The following PCDHGA4 variants were observed in gnomAD, a reference collection of about 807,000 sequenced individuals.
The protein encoded by PCDHGA4 is protocadherin gamma subfamily A, 4.
A neutral mutation model predicts 54.6 loss-of-function variants in PCDHGA4; 38 were observed. The ratio of observed to expected loss-of-function variants is 0.70; its 90% CI spans 0.54 to 0.91. PCDHGA4 has a LOEUF of 0.91. Ranked by LOEUF, PCDHGA4 falls within the 40% of genes least tolerant of loss-of-function variation. The pLI is 0.00. For synonymous variants in PCDHGA4, 511 were observed against 512.9 expected (o/e 1.00, Z 0.05); for missense variants, 1,298 against 1,220.9 (o/e 1.06, Z -0.94).
chr5:141,397,491 A>G (rs1462298713), intron 1 of PCDHGA4, among the ~76,000 whole-genome samples: 1 of 152,230 alleles, frequency 6.6e-6, no homozygotes, highest in Non-Finnish European at 1.5e-5. Flanking sequence ...AAATGAACAG[A>G]AGAATGATAA....
chr5:141,429,048 G>A (rs2097180589), intron 1 of PCDHGA4: 5 of 152,064 alleles, frequency 3.3e-5, no homozygotes, highest in Admixed American at 3.3e-4. Context: ...TACAGACGGG[G>A]TTTCACCGTG....
chr5:141,420,454 TATTCAAAGAC>T, intron 1 of PCDHGA4: 1 of 968,104 alleles, frequency 1.0e-6, no homozygotes, highest in Admixed American at 3.7e-5. Context: ...GTCTTCCTAC[TATTCAAAGAC>T]ATTTTAAAGC....
chr5:141,472,164 G>C (rs2099273083), intron 1 of PCDHGA4, among the ~76,000 whole-genome samples: 1 of 152,158 alleles, frequency 6.6e-6, no homozygotes, highest in Non-Finnish European at 1.5e-5. Flanking sequence ...TAGCTACTAG[G>C]TGTAATATCC....
chr5:141,432,137 T>A lies in PCDHGA4; in HGVS notation c.2515-62670T>A. On this transcript the variant is annotated intron_variant, in intron 1 of 3. Coordinates refer to ENST00000571252, the MANE Select transcript of PCDHGA4 (RefSeq NM_018917.4). The surrounding 1 kb of genome is among the most constrained non-coding windows in gnomAD (Gnocchi z 6.0). ...CTTCCCTCAGGCCTCCTATTCCGCT[T>A]ATATCCCAGAGAACAATCCCAGAGG... 6.2e-7 allele frequency: 1 copy of A among 1,613,964 alleles called. No homozygotes were observed. Among genetic ancestry groups the A allele is most frequent in the Non-Finnish European group, 8.5e-7 (1 of 1,179,984 alleles).
chr5:141,438,591 CATATATATATATATAT>C (rs946798767), intron 1 of PCDHGA4, among the ~76,000 whole-genome samples: 4 of 75,562 alleles, frequency 5.3e-5, no homozygotes, highest in East Asian at 3.5e-4. Context: ...TACATACATA[CATATATATATATATAT>C]ATATATATAT....
At chr5:141,426,048 A>G (rs2096911760) in intron 1 of PCDHGA4, among the ~76,000 whole-genome samples, 1 of 152,182 alleles carries the variant, frequency 6.6e-6, no homozygotes, top group Non-Finnish European at 1.5e-5. Context: ...CTGTTGGCCA[A>G]TGTGCTGCAA....
At chr5:141,478,625 T>A in intron 1 of PCDHGA4, 3 of 1,554,218 alleles carry the variant, frequency 1.9e-6, no homozygotes, top group Non-Finnish European at 2.6e-6. Context: ...ATGGAGCTGT[T>A]TTTTTAGTGA....
chr5:141,420,156 A>T lies in PCDHGA4; in HGVS notation c.2514+62535A>T, dbSNP rs1406451882. ...GGGGATCAAATGAATCCAGAATTTA[A>T]TTTTTTCACATCTGTTGATCATTGT... On this transcript the variant is annotated intron_variant, in intron 1 of 3. Coordinates refer to ENST00000571252, the MANE Select transcript of PCDHGA4 (RefSeq NM_018917.4). The T allele has an allele frequency of 1.4e-5, 22 of 1,613,872 alleles. No individual in the cohort carries two copies. Among genetic ancestry groups the T allele is most frequent in the Middle Eastern group, 3.3e-4 (2 of 6,084 alleles).
intron 1 of PCDHGA4, chr5:141,394,586 G>T: frequency 3.1e-6 from 5 of 1,613,888 alleles, no homozygotes; most frequent in Non-Finnish European, 4.2e-6. Context: ...TGACCAAGGT[G>T]GTGGCGGTGG....
chr5:141,433,564 G>A (rs1380905062), intron 1 of PCDHGA4, among the ~76,000 whole-genome samples: 1 of 152,042 alleles, frequency 6.6e-6, no homozygotes, highest in Non-Finnish European at 1.5e-5. Flanking sequence ...GGCTGGGCGC[G>A]GTGGCTCACG....
At chr5:141,504,500 GAGTGGATCT>G (rs2099838791) in intron 2 of PCDHGA4, among the ~76,000 whole-genome samples, 1 of 152,072 alleles carries the variant, frequency 6.6e-6, no homozygotes, top group Non-Finnish European at 1.5e-5. Context: ...TGCCCAGTCT[GAGTGGATCT>G]CCTCTGATAT....
chr5:141,412,385 A>G (rs1041538045), intron 1 of PCDHGA4: 8 of 152,236 alleles, frequency 5.3e-5, no homozygotes, highest in African/African-American at 1.9e-4. Flanking sequence ...AAATAGGTCC[A>G]TTTAACTTGT....
chr5:141,465,251 A>T (rs1436627558), intron 1 of PCDHGA4, among the ~76,000 whole-genome samples: 1 of 152,214 alleles, frequency 6.6e-6, no homozygotes, highest in Non-Finnish European at 1.5e-5. Flanking sequence ...GCACTTTTGT[A>T]AGCAATGATA....
intron 1 of PCDHGA4, chr5:141,400,772 G>T: frequency 1.8e-6 from 1 of 570,264 alleles, no homozygotes. Context: ...AAAACATTTG[G>T]TGCGTTTTTT....
intron 1 of PCDHGA4, among the ~76,000 whole-genome samples, chr5:141,457,319 G>A (rs914658873): frequency 7.9e-5 from 12 of 152,086 alleles, no homozygotes; most frequent in East Asian, 3.8e-4. Flanking sequence ...AGAAACCTCC[G>A]GGTTACAGGT....
chr5:141,399,527 T>A (rs781680585), intron 1 of PCDHGA4: 2 of 1,614,016 alleles, frequency 1.2e-6, no homozygotes, highest in East Asian at 2.2e-5. Context: ...GGGGCCTCCA[T>A]CGCGCAAGTC....
intron 3 of PCDHGA4, among the ~76,000 whole-genome samples, chr5:141,507,479 C>T (rs1050741571): frequency 1.3e-5 from 2 of 152,198 alleles, no homozygotes; most frequent in East Asian, 1.9e-4. Flanking sequence ...GACTGCTGGC[C>T]TCCTGAGGCA....
intron 2 of PCDHGA4, among the ~76,000 whole-genome samples, chr5:141,502,139 C>T (rs923501238): frequency 6.6e-6 from 1 of 152,104 alleles, no homozygotes; most frequent in African/African-American, 2.4e-5. Flanking sequence ...TCAGTCGGGC[C>T]GGAAGTAAGG....
At chr5:141,499,029 A>AAGGAAGGAAGGAAGG (rs1562187768) in intron 2 of PCDHGA4, among the ~76,000 whole-genome samples, 10 of 139,968 alleles carry the variant, frequency 7.1e-5, no homozygotes, top group African/African-American at 2.8e-4. Context: ...AGGAAGGAAG[A>AAGGAAGGAAGGAAGG]AAAGAAAGAA....
Sources: gnomAD v4.1 joint callset for allele counts (sites outside exome capture counted in the v4.1 genomes callset) on GRCh38, gnomAD v4.1.1 for gene constraint, Gnocchi (gnomAD v3.1) non-coding constraint, MANE v1.5 for transcripts, NCBI Gene and HGNC (gene_info 2026-07-23, HGNC 2026-07-21) for gene names.